The following TANC2 variants were observed in gnomAD, a reference collection of about 807,000 sequenced individuals.
The protein encoded by TANC2 is tetratricopeptide repeat, ankyrin repeat and coiled-coil containing 2.
In TANC2, 26 loss-of-function variants were observed where a neutral mutation model predicts 210.5. The ratio of observed to expected loss-of-function variants is 0.12; its 90% CI spans 0.09 to 0.17. TANC2 has a LOEUF of 0.17. Ranked by LOEUF, TANC2 falls within the 10% of genes least tolerant of loss-of-function variation. The pLI is 1.00. For missense variants in TANC2, 2,129 were observed against 2,608.9 expected (o/e 0.82, Z 4.01); for synonymous variants, 931 against 967.1 (o/e 0.96, Z 0.69).
At chr17:63,056,411 C>T (rs932496598) in intron 2 of TANC2, among the ~76,000 whole-genome samples, 1 of 151,992 alleles carries the variant, frequency 6.6e-6, no homozygotes, top group Non-Finnish European at 1.5e-5. Context: ...GGTGTGGTGA[C>T]TCACACCTGT....
At chr17:63,329,366 C>T (rs1204624372) in intron 11 of TANC2, among the ~76,000 whole-genome samples, 1 of 151,908 alleles carries the variant, frequency 6.6e-6, no homozygotes, top group African/African-American at 2.4e-5. Flanking sequence ...GGCCTTGAAA[C>T]ATTTTGAAAC....
chr17:63,234,037 G>T (rs553580005), intron 7 of TANC2, among the ~76,000 whole-genome samples: 2 of 152,166 alleles, frequency 1.3e-5, no homozygotes, highest in Non-Finnish European at 2.9e-5. Context: ...ACTGGGAGTT[G>T]GGTAGGTATT....
intron 12 of TANC2, among the ~76,000 whole-genome samples, chr17:63,341,659 G>C (rs2046232612): frequency 6.6e-6 from 1 of 152,232 alleles, no homozygotes; most frequent in African/African-American, 2.4e-5. Flanking sequence ...TGAATTTTAA[G>C]TACACTTCTA....
chr17:63,209,545 TG>T (rs1223293964), intron 7 of TANC2, among the ~76,000 whole-genome samples: 1 of 152,120 alleles, frequency 6.6e-6, no homozygotes, highest in Non-Finnish European at 1.5e-5. Context: ...GTGATTCTCC[TG>T]CCTCAGCCTC....
chr17:63,027,921 C>T (rs2034621449), intron 2 of TANC2, among the ~76,000 whole-genome samples: 1 of 152,026 alleles, frequency 6.6e-6, no homozygotes, highest in Non-Finnish European at 1.5e-5. Context: ...CCACCTCATT[C>T]CATTTTCATA....
chr17:63,358,374 A>AGTGTGTGTGTGTGTGTGTGT (rs1292661752), intron 14 of TANC2, among the ~76,000 whole-genome samples: 1 of 94,698 alleles, frequency 1.1e-5, no homozygotes, highest in African/African-American at 4.0e-5. Flanking sequence ...AGAGAGAGAG[A>AGTGTGTGTGTGTGTGTGTGT]GAGTATGTGT....
exon 28 of TANC2, chr17:63,422,981 C>G (rs938301631): frequency 6.6e-6 from 1 of 152,184 alleles, no homozygotes; most frequent in Admixed American, 6.5e-5. Context: ...AGATTTTGTT[C>G]TAGTGGCCCT....
intron 13 of TANC2, among the ~76,000 whole-genome samples, chr17:63,351,962 T>G (rs537962322): frequency 8.9e-4 from 135 of 152,226 alleles, no homozygotes; most frequent in South Asian, 6.2e-4. Context: ...TGTTGTTGTT[T>G]TTTCTAATTA....
chr17:63,427,270 AC>A (rs2049167801), exon 28 of TANC2: 1 of 152,268 alleles, frequency 6.6e-6, no homozygotes, highest in South Asian at 2.1e-4. Flanking sequence ...AGTGATTTGT[AC>A]TAATATGATT....
At chr17:63,410,013 C>G (rs755631468) in intron 21 of TANC2, among the ~76,000 whole-genome samples, 5 of 152,086 alleles carry the variant, frequency 3.3e-5, no homozygotes, top group Non-Finnish European at 7.4e-5. Context: ...CATGTTGGTG[C>G]TCAAAAAGGT....
rs57550590 is a variant in TANC2, at chr17:63,046,325, C to CTTTTTTTTTTTTTTTTTTTTTT, written c.68-27615_68-27594dup. ...CAGGTGCGTGCCACCACACCCAGCT[C>CTTTTTTTTTTTTTTTTTTTTTT]TTTTTTTTTTTTTTTTTTTTTTTTG... On this transcript the variant is annotated intron_variant, in intron 2 of 27. Transcript: ENST00000689528. Among the ~76,000 whole-genome samples the CTTTTTTTTTTTTTTTTTTTTTT allele has an allele frequency of 1.4e-4, 6 of 44,142 alleles. 1 individual carries two copies. The highest frequency in any genetic ancestry group is 1.5e-4 in the Non-Finnish European group (4 of 27,058). 29.0% of individuals were successfully genotyped at this position (44,142 alleles called of 152,430 possible).
intron 2 of TANC2, among the ~76,000 whole-genome samples, chr17:63,021,047 G>T (rs2034326888): frequency 6.6e-6 from 1 of 152,078 alleles, no homozygotes; most frequent in Admixed American, 6.5e-5. Context: ...TACCTCTTGA[G>T]GCCCCATCTC....
At chr17:62,970,189 C>T (rs757160665) in intron 1 of TANC2, among the ~76,000 whole-genome samples, 13 of 152,152 alleles carry the variant, frequency 8.5e-5, no homozygotes, top group Non-Finnish European at 1.3e-4. Context: ...CTCATGTAAC[C>T]AAACACTTCC....
chr17:62,991,627 G>A (rs1598203762), intron 1 of TANC2, among the ~76,000 whole-genome samples: 2 of 144,898 alleles, frequency 1.4e-5, no homozygotes, highest in Admixed American at 6.9e-5. Context: ...GTGACAGAGC[G>A]AGACTCCGTC....
chr17:63,200,821 C>T, exon 7 of TANC2: 2 of 1,613,862 alleles, frequency 1.2e-6, no homozygotes, highest in South Asian at 2.2e-5. Flanking sequence ...TGACTAGCAG[C>T]ACTGCCTCTC....
At chr17:63,057,627 T>C (rs1183871457) in intron 2 of TANC2, among the ~76,000 whole-genome samples, 1 of 152,142 alleles carries the variant, frequency 6.6e-6, no homozygotes, top group Non-Finnish European at 1.5e-5. Flanking sequence ...TGTTTCCCTC[T>C]TTGTTTCCAT....
intron 3 of TANC2, among the ~76,000 whole-genome samples, chr17:63,079,580 A>C (rs1375543421): frequency 6.6e-6 from 1 of 152,232 alleles, no homozygotes; most frequent in Non-Finnish European, 1.5e-5. Flanking sequence ...CATGAACATC[A>C]ACCTACCAGG....
chr17:63,362,601 C>T (rs1213062821), intron 14 of TANC2, among the ~76,000 whole-genome samples: 1 of 152,246 alleles, frequency 6.6e-6, no homozygotes, highest in African/African-American at 2.4e-5. Context: ...CCATGCTCGT[C>T]AGCACCCAAA....
chr17:63,386,879 G>A (rs368794264), intron 15 of TANC2, among the ~76,000 whole-genome samples: 137 of 152,054 alleles, frequency 9.0e-4, no homozygotes, highest in African/African-American at 3.3e-3. Flanking sequence ...TTGAGACAAA[G>A]CCTCACGGTG....
Sources: allele counts gnomAD v4.1 joint callset (sites outside exome capture counted in the v4.1 genomes callset), GRCh38; gene constraint gnomAD v4.1.1; transcripts MANE v1.5; gene names NCBI Gene and HGNC (gene_info 2026-07-23, HGNC 2026-07-21).